Variants in GMDS observed in about 807,000 individuals in gnomAD.
GMDS encodes GDP-mannose 4,6 dehydratase.
GMDS carries 20 observed loss-of-function variants against 49.9 expected under a neutral mutation model. The observed-to-expected ratio is 0.40, with a 90% CI of 0.28 to 0.58. The LOEUF is 0.58. Ranked by LOEUF, GMDS falls within the 20% of genes least tolerant of loss-of-function variation. The probability of loss-of-function intolerance (pLI) is 0.42; values close to 1 mark genes in which losing one functional copy is unlikely to be tolerated. For synonymous variants in GMDS, 177 were observed against 178.6 expected (o/e 0.99, Z 0.07); for missense variants, 362 against 481.4 (o/e 0.75, Z 2.32).
intron 7 of GMDS, among the ~76,000 whole-genome samples, chr6:1,790,444 A>C (rs539966346): frequency 1.3e-5 from 2 of 152,318 alleles, no homozygotes; most frequent in African/African-American, 4.8e-5. Context: ...TCAGATTCAC[A>C]CAGAAAGTGA....
intron 6 of GMDS, among the ~76,000 whole-genome samples, chr6:1,959,553 T>C (rs1236163108): frequency 1.3e-5 from 2 of 152,222 alleles, no homozygotes; most frequent in African/African-American, 4.8e-5. Context: ...TTACTACTTA[T>C]TCCTTTGCAT....
At chr6:1,763,606 TTGCCCTG>T (rs1768240022) in intron 7 of GMDS, among the ~76,000 whole-genome samples, 1 of 152,206 alleles carries the variant, frequency 6.6e-6, no homozygotes, top group Admixed American at 6.5e-5. Context: ...TTCACATAGA[TTGCCCTG>T]TGTGTGACTG....
At chr6:1,745,981 T>C (rs1358726971) in intron 7 of GMDS, among the ~76,000 whole-genome samples, 1 of 152,218 alleles carries the variant, frequency 6.6e-6, no homozygotes, top group East Asian at 1.9e-4. Context: ...CAAAGGCCCC[T>C]GTGTGAGAAG....
intron 4 of GMDS, among the ~76,000 whole-genome samples, chr6:2,000,063 C>A (rs1766698869): frequency 1.5e-5 from 1 of 68,668 alleles, no homozygotes; most frequent in South Asian, 5.8e-4. Flanking sequence ...GAGATGGAGT[C>A]TCATTCTGTC....
intron 1 of GMDS, among the ~76,000 whole-genome samples, chr6:2,152,755 T>G (rs547275334): frequency 5.6e-4 from 86 of 152,274 alleles, no homozygotes; most frequent in African/African-American, 1.9e-3. Flanking sequence ...GTTGGAGTCA[T>G]ATAAATATGC....
chr6:1,743,202 C>T (rs1009056083), intron 7 of GMDS, among the ~76,000 whole-genome samples: 3 of 152,050 alleles, frequency 2.0e-5, no homozygotes, highest in Non-Finnish European at 4.4e-5. Context: ...ACATTTATCC[C>T]AGAGTTAATG....
chr6:1,963,609 T>G (rs1234228493), intron 4 of GMDS, among the ~76,000 whole-genome samples: 1 of 152,210 alleles, frequency 6.6e-6, no homozygotes, highest in Non-Finnish European at 1.5e-5. Context: ...GGATATCTAG[T>G]TGTCCCAGCA....
At chr6:1,883,386 T>C (rs1217807842) in intron 7 of GMDS, among the ~76,000 whole-genome samples, 2 of 152,022 alleles carry the variant, frequency 1.3e-5, no homozygotes, top group African/African-American at 2.4e-5. Flanking sequence ...CGAGACTCCA[T>C]CTCAAAAAAA....
chr6:1,844,280 C>A (rs1345071044), intron 7 of GMDS, among the ~76,000 whole-genome samples: 1 of 152,052 alleles, frequency 6.6e-6, no homozygotes, highest in African/African-American at 2.4e-5. Context: ...TTAAAAAAAT[C>A]TAAAGTAGAA....
intron 4 of GMDS, among the ~76,000 whole-genome samples, chr6:1,995,717 A>G (rs1263621889): frequency 6.6e-6 from 1 of 152,192 alleles, no homozygotes; most frequent in African/African-American, 2.4e-5. Context: ...ACTTTCTGAC[A>G]TCACCACTCT....
At chr6:1,839,231 G>A (rs1180394381) in intron 7 of GMDS, among the ~76,000 whole-genome samples, 3 of 152,124 alleles carry the variant, frequency 2.0e-5, no homozygotes, top group Non-Finnish European at 4.4e-5. Context: ...TTTTAAACAA[G>A]AAGTGAGCCA....
intron 7 of GMDS, among the ~76,000 whole-genome samples, chr6:1,808,230 A>G (rs1185179275): frequency 6.6e-6 from 1 of 152,170 alleles, no homozygotes; most frequent in Non-Finnish European, 1.5e-5. Flanking sequence ...GTTTGATCCT[A>G]TTTCTCAGGG....
chr6:2,223,574 G>A (rs566777134), intron 1 of GMDS, among the ~76,000 whole-genome samples: 2 of 152,266 alleles, frequency 1.3e-5, no homozygotes, highest in African/African-American at 4.8e-5. Context: ...AGATGACACC[G>A]CTACCAAAGC....
intron 9 of GMDS, among the ~76,000 whole-genome samples, chr6:1,632,601 G>T (rs1763030766): frequency 1.3e-5 from 2 of 152,216 alleles, no homozygotes; most frequent in South Asian, 4.1e-4. Flanking sequence ...ACGTGGCCAG[G>T]CATGATAGCT....
intron 1 of GMDS, among the ~76,000 whole-genome samples, chr6:2,150,163 A>G (rs969324202): frequency 5.3e-5 from 8 of 152,134 alleles, no homozygotes; most frequent in African/African-American, 1.9e-4. Context: ...AATAATTTTC[A>G]TTTAGGAACA....
At chr6:2,199,990 A>G (rs234950) in intron 1 of GMDS, among the ~76,000 whole-genome samples, 24,958 of 152,200 alleles carry the variant, frequency 0.16, 4,759 homozygotes, top group African/African-American at 0.46. Flanking sequence ...GAAACATTAC[A>G]GGATTGTATG....
At chr6:1,914,870 T>G (rs185962113) in intron 7 of GMDS, among the ~76,000 whole-genome samples, 2 of 152,162 alleles carry the variant, frequency 1.3e-5, no homozygotes, top group Non-Finnish European at 2.9e-5. Flanking sequence ...ATGAGTGAGG[T>G]GCTAGGCCCT....
intron 9 of GMDS, among the ~76,000 whole-genome samples, chr6:1,666,146 T>C (rs950346329): frequency 6.6e-6 from 1 of 152,154 alleles, no homozygotes; most frequent in Admixed American, 6.5e-5. Flanking sequence ...TGATTAGGCA[T>C]TTGCCCCTTG....
intron 1 of GMDS, among the ~76,000 whole-genome samples, chr6:2,203,175 A>AGT (rs1334595258): frequency 6.6e-6 from 1 of 152,046 alleles, no homozygotes; most frequent in Admixed American, 6.5e-5. Context: ...TATGTACTGG[A>AGT]GTTACTTTAG....
Sources: allele counts gnomAD v4.1 joint callset (sites outside exome capture counted in the v4.1 genomes callset), GRCh38; gene constraint gnomAD v4.1.1; transcripts MANE v1.5; gene names NCBI Gene and HGNC (gene_info 2026-07-23, HGNC 2026-07-21).